Variants in SLC9A9 observed in about 807,000 individuals in gnomAD.
SLC9A9 encodes solute carrier family 9 member A9, also known as sodium/hydrogen exchanger 9.
In SLC9A9, 62 loss-of-function variants were observed where a neutral mutation model predicts 77.8. The ratio of observed to expected loss-of-function variants is 0.80; its 90% CI spans 0.65 to 0.98. The LOEUF (loss-of-function observed/expected upper bound fraction) is 0.98. SLC9A9 is among the 50% of genes least tolerant of loss of function. SLC9A9 has a pLI of 0.00. For missense variants in SLC9A9, 775 were observed against 774.9 expected, an observed-to-expected ratio of 1.00 and a Z score of 0.00; for synonymous variants, 320 against 283.5, an observed-to-expected ratio of 1.13 and a Z score of -1.29.
intron 12 of SLC9A9, among the ~76,000 whole-genome samples, chr3:143,409,769 G>A (rs540036075): frequency 6.6e-6 from 1 of 152,320 alleles, no homozygotes; most frequent in Admixed American, 6.5e-5. Context: ...ACGTTTGTTA[G>A]CAGATTTGTT....
At chr3:143,703,145 T>C (rs981711295) in intron 4 of SLC9A9, among the ~76,000 whole-genome samples, 1 of 152,086 alleles carries the variant, frequency 6.6e-6, no homozygotes, top group African/African-American at 2.4e-5. Context: ...CATCCCACTT[T>C]CAGTCTTGGA....
intron 14 of SLC9A9, among the ~76,000 whole-genome samples, chr3:143,282,441 C>T (rs536680986): frequency 6.6e-5 from 10 of 152,314 alleles, no homozygotes; most frequent in African/African-American, 9.6e-5. Context: ...CCCATTTATG[C>T]TTGAAGCCTG....
chr3:143,500,625 G>T (rs935109740), intron 9 of SLC9A9, among the ~76,000 whole-genome samples: 1 of 152,078 alleles, frequency 6.6e-6, no homozygotes, highest in Admixed American at 6.5e-5. Context: ...CTGTCCTGAC[G>T]TCTGCAGTCT....
At chr3:143,435,337 T>C (rs1167423299) in intron 12 of SLC9A9, among the ~76,000 whole-genome samples, 2 of 152,176 alleles carry the variant, frequency 1.3e-5, no homozygotes, top group South Asian at 2.1e-4. Context: ...CATTGGTCGA[T>C]AGTGAGAGCC....
chr3:143,337,165 G>A lies in SLC9A9; in HGVS notation c.1604+26319C>T, dbSNP rs533938443. On this transcript the variant is annotated intron_variant, in intron 14 of 15. Transcript: ENST00000316549. ...TACTTGAGTCCCTACCATGAGCAAAGAGCTATTAAATTGCTTGCTCAATAC... is the reference window on the plus strand; with the variant it reads ...TACTTGAGTCCCTACCATGAGCAAAAAGCTATTAAATTGCTTGCTCAATAC... Among the ~76,000 whole-genome samples the A allele has an allele frequency of 2.0e-5, 3 of 152,020 alleles. No individual in the cohort carries two copies. In the South Asian group the frequency reaches 6.2e-4, roughly 32 times the overall value.
intron 9 of SLC9A9, chr3:143,517,091 C>CTTT: frequency 7.6e-7 from 1 of 1,323,432 alleles, no homozygotes; most frequent in Non-Finnish European, 1.0e-6. Context: ...TTTTTTCCTT[C>CTTT]AGCAAGGGCT....
intron 11 of SLC9A9, among the ~76,000 whole-genome samples, chr3:143,477,192 T>C (rs1447077879): frequency 6.6e-6 from 1 of 152,146 alleles, no homozygotes; most frequent in Non-Finnish European, 1.5e-5. Flanking sequence ...AGAGCAGAAA[T>C]GGTGTGAGTC....
At chr3:143,602,774 A>G (rs2037864897) in intron 6 of SLC9A9, among the ~76,000 whole-genome samples, 1 of 152,228 alleles carries the variant, frequency 6.6e-6, no homozygotes, top group Non-Finnish European at 1.5e-5. Flanking sequence ...TGACTTCCCC[A>G]AAGAAACCCC....
chr3:143,543,001 G>A (rs1468377456), intron 9 of SLC9A9, among the ~76,000 whole-genome samples: 1 of 152,210 alleles, frequency 6.6e-6, no homozygotes, highest in African/African-American at 2.4e-5. Flanking sequence ...TGTCCTGGAA[G>A]TCACTTACCA....
At chr3:143,366,589 A>T (rs1220037172) in intron 13 of SLC9A9, among the ~76,000 whole-genome samples, 2 of 152,180 alleles carry the variant, frequency 1.3e-5, no homozygotes, top group South Asian at 4.1e-4. Context: ...AATCATATGG[A>T]AAAGACTTTT....
Position 143,848,404 on chromosome 3 carries a change from C to T in SLC9A9, c.-82G>A. 1.3e-6 allele frequency: 2 copies of T among 1,580,246 alleles called. No homozygotes were observed. Among genetic ancestry groups the T allele is most frequent in the Non-Finnish European group, 1.7e-6 (2 of 1,151,186 alleles). ...AGATTTGCCTAAGACAGTCTGACTG[C>T]CTGAGAATTTCAGAAGAAACACTGC... On this transcript the variant is annotated 5_prime_UTR_variant, in exon 1 of 16. Coordinates refer to ENST00000316549, the MANE Select transcript of SLC9A9 (RefSeq NM_173653.4).
At chr3:143,524,041 G>C (rs939215348) in intron 9 of SLC9A9, among the ~76,000 whole-genome samples, 6 of 152,168 alleles carry the variant, frequency 3.9e-5, no homozygotes, top group Non-Finnish European at 7.4e-5. Flanking sequence ...TAGCAGGTCA[G>C]ATAGAAGACT....
chr3:143,630,610 GTT>G (rs1373003054), intron 6 of SLC9A9, among the ~76,000 whole-genome samples: 5 of 152,102 alleles, frequency 3.3e-5, no homozygotes, highest in African/African-American at 1.2e-4. Context: ...AATAATCAGA[GTT>G]TAACTCTCAG....
intron 11 of SLC9A9, among the ~76,000 whole-genome samples, chr3:143,485,660 CATA>C (rs2035642685): frequency 6.6e-6 from 1 of 151,910 alleles, no homozygotes. Context: ...CCAGAGTTAC[CATA>C]ATATTAGACT....
intron 4 of SLC9A9, among the ~76,000 whole-genome samples, chr3:143,717,815 A>G (rs1934393930): frequency 6.6e-6 from 1 of 152,192 alleles, no homozygotes; most frequent in African/African-American, 2.4e-5. Flanking sequence ...AGAGAGAGCT[A>G]TATCACTGGG....
chr3:143,384,247 G>A (rs566694482), intron 12 of SLC9A9, among the ~76,000 whole-genome samples: 47 of 152,234 alleles, frequency 3.1e-4, no homozygotes, highest in African/African-American at 1.1e-3. Flanking sequence ...CCGACAGTGG[G>A]ACCCAGGTGT....
intron 4 of SLC9A9, among the ~76,000 whole-genome samples, chr3:143,728,847 C>T (rs766462467): frequency 2.6e-5 from 4 of 151,860 alleles, no homozygotes; most frequent in Admixed American, 6.6e-5. Flanking sequence ...GCTCTGGCAA[C>T]GAGATGGATG....
intron 11 of SLC9A9, among the ~76,000 whole-genome samples, chr3:143,478,297 C>T (rs2035515976): frequency 1.3e-5 from 2 of 152,180 alleles, no homozygotes; most frequent in African/African-American, 4.8e-5. Context: ...AATGTTTCAG[C>T]CACTGTAGGA....
At chr3:143,305,336 C>T (rs1158709601) in intron 14 of SLC9A9, among the ~76,000 whole-genome samples, 1 of 152,090 alleles carries the variant, frequency 6.6e-6, no homozygotes, top group Admixed American at 6.5e-5. Context: ...GAGTGCTAAG[C>T]CCTTGATGTT....
Sources: gnomAD v4.1 joint callset for allele counts (sites outside exome capture counted in the v4.1 genomes callset) on GRCh38, gnomAD v4.1.1 for gene constraint, MANE v1.5 for transcripts, NCBI Gene and HGNC (gene_info 2026-07-23, HGNC 2026-07-21) for gene names.